GRM5: variants seen among roughly 807,000 people sequenced by gnomAD.
The protein encoded by GRM5 is glutamate metabotropic receptor 5.
Under a neutral mutation model 83.1 loss-of-function variants are expected in GRM5, and 19 were observed. That is an observed-to-expected ratio of 0.23 (90% CI 0.16 to 0.34). The LOEUF (loss-of-function observed/expected upper bound fraction) is 0.34. GRM5 is among the 10% of genes least tolerant of loss of function. The pLI is 1.00. For missense variants in GRM5, 1,160 were observed against 1,588.3 expected, an observed-to-expected ratio of 0.73 and a Z score of 4.58; for synonymous variants, 675 against 633.6, an observed-to-expected ratio of 1.07 and a Z score of -0.98.
At chr11:88,679,302 T>C (rs775309929) in intron 3 of GRM5, among the ~76,000 whole-genome samples, 6 of 152,178 alleles carry the variant, frequency 3.9e-5, no homozygotes, top group Non-Finnish European at 5.9e-5. Context: ...CTTCTAAATT[T>C]CTTGCTTAAA....
intron 2 of GRM5, among the ~76,000 whole-genome samples, chr11:88,920,327 C>G (rs1429456982): frequency 6.6e-6 from 1 of 151,042 alleles, no homozygotes; most frequent in African/African-American, 2.4e-5. Flanking sequence ...ATACAAATTA[C>G]CAGTATCAAA....
chr11:88,687,426 G>A (rs1940654548), intron 3 of GRM5, among the ~76,000 whole-genome samples: 1 of 142,036 alleles, frequency 7.0e-6, no homozygotes, highest in Non-Finnish European at 1.5e-5. Flanking sequence ...GCAGTGAGCC[G>A]AGATCGCTTC....
chr11:89,011,468 A>T lies in GRM5; in HGVS notation c.661+35744T>A, dbSNP rs1366632041. 2.0e-5 allele frequency among the ~76,000 whole-genome samples: 3 copies of T among 152,180 alleles called. No homozygotes were observed. In the East Asian group the frequency reaches 5.8e-4, roughly 29 times the overall value. On this transcript the variant is annotated intron_variant, in intron 2 of 9. Transcript: ENST00000305447. ...CAGTGGTGTCTAGTTGAAAATGTCTATATTACAGAGAAGTTGGCAGGAGCT... is the reference window on the plus strand; with the variant it reads ...CAGTGGTGTCTAGTTGAAAATGTCTTTATTACAGAGAAGTTGGCAGGAGCT...
chr11:88,548,440 T>C (rs1386731223), intron 8 of GRM5, among the ~76,000 whole-genome samples: 1 of 152,064 alleles, frequency 6.6e-6, no homozygotes, highest in Non-Finnish European at 1.5e-5. Flanking sequence ...CACATGCAAA[T>C]TAAAAAAATC....
At chr11:88,652,488 A>G (rs1316406900) in intron 4 of GRM5, among the ~76,000 whole-genome samples, 1 of 152,014 alleles carries the variant, frequency 6.6e-6, no homozygotes, top group African/African-American at 2.4e-5. Flanking sequence ...ATAATTTTCA[A>G]TTGCAATTTT....
At chr11:88,760,777 C>A (rs533680252) in intron 3 of GRM5, among the ~76,000 whole-genome samples, 20 of 151,996 alleles carry the variant, frequency 1.3e-4, no homozygotes, top group Non-Finnish European at 2.6e-4. Context: ...CAGGCCAATA[C>A]CCTTCATGAA....
At chr11:88,892,294 C>T (rs1341399424) in intron 2 of GRM5, among the ~76,000 whole-genome samples, 1 of 151,672 alleles carries the variant, frequency 6.6e-6, no homozygotes, top group East Asian at 1.9e-4. Context: ...TTGGGGAAGA[C>T]TGGCCTCATA....
intron 3 of GRM5, among the ~76,000 whole-genome samples, chr11:88,711,791 A>T (rs1941286955): frequency 1.4e-5 from 1 of 70,538 alleles, no homozygotes; most frequent in African/African-American, 4.1e-5. Flanking sequence ...AGAATAAGGA[A>T]CAAAAGTTTA....
intron 3 of GRM5, among the ~76,000 whole-genome samples, chr11:88,694,140 T>C (rs1026622498): frequency 6.6e-6 from 1 of 152,222 alleles, no homozygotes; most frequent in Non-Finnish European, 1.5e-5. Context: ...ACCACCAGCA[T>C]AATTGAGCAT....
chr11:88,773,102 C>A (rs1426097543), intron 3 of GRM5, among the ~76,000 whole-genome samples: 1 of 152,208 alleles, frequency 6.6e-6, no homozygotes, highest in African/African-American at 2.4e-5. Flanking sequence ...CACATCCTCT[C>A]CAGCACCTGT....
chr11:88,630,515 TTAA>T (rs1278069737), intron 4 of GRM5, among the ~76,000 whole-genome samples: 4 of 150,608 alleles, frequency 2.7e-5, no homozygotes, highest in East Asian at 2.0e-4. Flanking sequence ...TGCAAAGGGC[TTAA>T]TAATAATTTA....
In GRM5 at chr11:88,838,084, CAAA is replaced by C. The variant is rs1157680177; in HGVS notation, c.911+11819_911+11821del. Among the ~76,000 whole-genome samples the C allele has an allele frequency of 8.1e-3, 449 of 55,358 alleles. 1 individual carries two copies. The highest frequency in any genetic ancestry group is 0.024 in the African/African-American group (398 of 16,572). The allele number at this position is 55,358 out of a possible 152,430, so 36.3% of individuals were successfully genotyped here. ...TGGGTGACAGAGCGAGACTCCATCT[CAAA>C]AAAAAAAAAAAAAAAAAAAAAAGAT... On this transcript the variant is annotated intron_variant, in intron 3 of 9. Coordinates refer to ENST00000305447, the MANE Select transcript of GRM5 (RefSeq NM_001143831.3).
At chr11:88,858,330 G>A (rs531679578) in intron 2 of GRM5, among the ~76,000 whole-genome samples, 11 of 152,016 alleles carry the variant, frequency 7.2e-5, no homozygotes, top group Admixed American at 1.3e-4. Context: ...ACTATGCATC[G>A]CCCCACTCGT....
chr11:88,688,504 TA>T (rs903720768), intron 3 of GRM5, among the ~76,000 whole-genome samples: 6 of 152,136 alleles, frequency 3.9e-5, no homozygotes, highest in African/African-American at 1.2e-4. Context: ...AAATATTGAC[TA>T]AAAGTTGGAA....
At chr11:88,963,547 T>G (rs1475008801) in intron 2 of GRM5, among the ~76,000 whole-genome samples, 1 of 152,228 alleles carries the variant, frequency 6.6e-6, no homozygotes, top group African/African-American at 2.4e-5. Context: ...TTTAGCCATG[T>G]TGGACCATGT....
chr11:88,752,180 A>T (rs926889647), intron 3 of GRM5, among the ~76,000 whole-genome samples: 2 of 152,196 alleles, frequency 1.3e-5, no homozygotes, highest in South Asian at 2.1e-4. Flanking sequence ...TTTGCAGATG[A>T]TGTGATCCTA....
At chr11:88,745,936 C>A (rs905567580) in intron 3 of GRM5, among the ~76,000 whole-genome samples, 5 of 152,226 alleles carry the variant, frequency 3.3e-5, no homozygotes, top group Non-Finnish European at 7.3e-5. Flanking sequence ...TTTAGTCCGT[C>A]TGTGTCTTGG....
chr11:88,684,244 T>C (rs1030204370), intron 3 of GRM5, among the ~76,000 whole-genome samples: 2 of 152,228 alleles, frequency 1.3e-5, no homozygotes, highest in Non-Finnish European at 2.9e-5. Context: ...TGTAAATCAT[T>C]TTATTCTAAA....
intron 3 of GRM5, among the ~76,000 whole-genome samples, chr11:88,693,898 C>T (rs1940842510): frequency 6.6e-6 from 1 of 152,184 alleles, no homozygotes; most frequent in Non-Finnish European, 1.5e-5. Context: ...GAAGGAAGGA[C>T]ATCTCAGGCT....
Sources: gnomAD v4.1 joint callset for allele counts (sites outside exome capture counted in the v4.1 genomes callset) on GRCh38, gnomAD v4.1.1 for gene constraint, MANE v1.5 for transcripts, NCBI Gene and HGNC (gene_info 2026-07-23, HGNC 2026-07-21) for gene names.